Variants in KCNU1 observed in about 807,000 individuals in gnomAD.
The protein encoded by KCNU1 is potassium calcium-activated channel subfamily U member 1, also known as potassium channel subfamily U member 1.
KCNU1 carries 93 observed loss-of-function variants against 126.8 expected under a neutral mutation model. The observed-to-expected ratio is 0.73, with a 90% CI of 0.62 to 0.87. KCNU1 has a LOEUF of 0.87. Among genes scored for constraint, KCNU1 ranks in the 40% least tolerant of loss-of-function variants. The pLI is 0.00. For missense variants in KCNU1, 1,330 were observed against 1,367.1 expected (o/e 0.97, Z 0.43); for synonymous variants, 523 against 494.2 (o/e 1.06, Z -0.77).
intron 11 of KCNU1, among the ~76,000 whole-genome samples, chr8:36,834,138 A>C (rs1804661616): frequency 1.3e-5 from 2 of 152,214 alleles, no homozygotes; most frequent in Non-Finnish European, 2.9e-5. Flanking sequence ...AATAATGAGC[A>C]ACAGCCAACC....
At chr8:36,860,139 G>A (rs1019505425) in intron 18 of KCNU1, among the ~76,000 whole-genome samples, 1 of 152,094 alleles carries the variant, frequency 6.6e-6, no homozygotes, top group African/African-American at 2.4e-5. Context: ...GTGCAGTGGT[G>A]CGATCTCAGC....
At chr8:36,802,621 G>C (rs1232026187) in intron 2 of KCNU1, among the ~76,000 whole-genome samples, 2 of 152,200 alleles carry the variant, frequency 1.3e-5, no homozygotes, top group Non-Finnish European at 2.9e-5. Flanking sequence ...GAAGTAGTGA[G>C]AGAAGAGTGG....
At position 36,905,789 on chromosome 8, in the gene KCNU1, G is replaced by C; in HGVS notation, c.2091G>C (p.Leu697Phe). The C allele has an allele frequency of 6.4e-7, 1 of 1,558,190 alleles. No homozygotes were observed. The highest frequency in any genetic ancestry group is 8.8e-7 in the Non-Finnish European group (1 of 1,140,766). The change falls in exon 20 of 27, where the codon TTG (leucine) becomes TTC (phenylalanine). Residue 697 changes from leucine (L) to phenylalanine (F), a missense_variant. Leu to Phe is a conservative substitution (Grantham distance 22, BLOSUM62 0). This residue lies in a region of KCNU1 where 1,054 missense variants were observed against 1,053.9 expected (regional missense o/e 1.00). Transcript: ENST00000399881. ...GMFHWCKPTS[L>F]DKVTLKRTGK... The stretch of plus-strand genomic sequence containing the variant: ...TTCACTGGTGCAAACCAACCTCTTT[G>C]GACAAGGTGACTCTGGTAGGTGATC...
At chr8:36,826,750 G>A (rs1056744435) in intron 10 of KCNU1, among the ~76,000 whole-genome samples, 4 of 151,790 alleles carry the variant, frequency 2.6e-5, no homozygotes, top group African/African-American at 9.7e-5. Context: ...CATTTCAGGG[G>A]TACCTGTTCA....
intron 19 of KCNU1, among the ~76,000 whole-genome samples, chr8:36,903,983 C>A (rs1337856730): frequency 6.6e-6 from 1 of 152,122 alleles, no homozygotes; most frequent in Non-Finnish European, 1.5e-5. Flanking sequence ...CCTCCCATGA[C>A]ACATGGGGAT....
intron 19 of KCNU1, among the ~76,000 whole-genome samples, chr8:36,870,916 T>C (rs192603815): frequency 3.3e-5 from 5 of 152,300 alleles, no homozygotes; most frequent in African/African-American, 4.8e-5. Context: ...AAGAGTCCCA[T>C]TGGCACTTAT....
At chr8:36,905,365 A>T (rs1807581568) in intron 19 of KCNU1, among the ~76,000 whole-genome samples, 1 of 152,078 alleles carries the variant, frequency 6.6e-6, no homozygotes, top group Non-Finnish European at 1.5e-5. Flanking sequence ...GGTGCCCAAA[A>T]CACTGCTCAT....
chr8:36,918,434 A>T (rs968605135), intron 22 of KCNU1, among the ~76,000 whole-genome samples: 1 of 152,110 alleles, frequency 6.6e-6, no homozygotes, highest in African/African-American at 2.4e-5. Flanking sequence ...ATGTGCCAGA[A>T]GTCCTAGCTA....
intron 19 of KCNU1, among the ~76,000 whole-genome samples, chr8:36,877,194 A>G (rs958060844): frequency 6.6e-6 from 1 of 152,152 alleles, no homozygotes; most frequent in South Asian, 2.1e-4. Flanking sequence ...GTAAGGATTC[A>G]TAGAATCAAG....
intron 10 of KCNU1, 67 bp downstream of exon 10, chr8:36,817,827 G>T: frequency 1.3e-6 from 1 of 756,534 alleles, no homozygotes; most frequent in Non-Finnish European, 2.3e-6. Context: ...TATTTTTAAT[G>T]CAAGAAAATT....
chr8:36,907,731 C>G (rs1807688020), intron 20 of KCNU1, among the ~76,000 whole-genome samples: 1 of 152,134 alleles, frequency 6.6e-6, no homozygotes, highest in African/African-American at 2.4e-5. Context: ...CCATTTAACC[C>G]AGCAAAGGAC....
intron 19 of KCNU1, among the ~76,000 whole-genome samples, chr8:36,880,905 A>C (rs1226902757): frequency 6.6e-6 from 1 of 152,188 alleles, no homozygotes; most frequent in Non-Finnish European, 1.5e-5. Context: ...TGAGTGACTA[A>C]TACTGCAAAC....
intron 19 of KCNU1, among the ~76,000 whole-genome samples, chr8:36,892,300 C>A (rs1162344031): frequency 6.6e-6 from 1 of 152,014 alleles, no homozygotes; most frequent in South Asian, 2.1e-4. Flanking sequence ...TCCAGAATTT[C>A]CATTTGTTTT....
chr8:36,919,247 C>A (rs1483049939), intron 23 of KCNU1, among the ~76,000 whole-genome samples: 1 of 151,968 alleles, frequency 6.6e-6, no homozygotes, highest in African/African-American at 2.4e-5. Flanking sequence ...CACAGGACTT[C>A]GGGTCAGATG....
intron 17 of KCNU1, 65 bp from the exon 18 acceptor site, chr8:36,845,737 C>A: frequency 1.4e-6 from 2 of 1,437,164 alleles, no homozygotes; most frequent in Non-Finnish European, 2.0e-6. Flanking sequence ...CCCACTGAGT[C>A]AGCACCATGC....
Position 36,935,967 on chromosome 8 carries a change from A to T in KCNU1, c.*47A>T. The T allele has an allele frequency of 6.9e-7, 1 of 1,445,696 alleles. No individual in the cohort carries two copies. The highest frequency in any genetic ancestry group is 9.3e-7 in the Non-Finnish European group (1 of 1,073,140). 89.6% of individuals were successfully genotyped at this position (1,445,696 alleles called of 1,614,324 possible). On this transcript the variant is annotated 3_prime_UTR_variant, in exon 27 of 27. Coordinates refer to ENST00000399881, the MANE Select transcript of KCNU1 (RefSeq NM_001031836.3). ...GCTCTTAACTTGCTGCTTACAAATCATCTCCTGAGATGCTAACTTTGAACA... is the reference window on the plus strand; with the variant it reads ...GCTCTTAACTTGCTGCTTACAAATCTTCTCCTGAGATGCTAACTTTGAACA...
At chr8:36,793,990 G>A (rs964881772) in intron 2 of KCNU1, among the ~76,000 whole-genome samples, 3 of 147,472 alleles carry the variant, frequency 2.0e-5, no homozygotes, top group African/African-American at 5.0e-5. Context: ...GGCGGCAGAG[G>A]TTGCAATGAG....
chr8:36,924,919 G>A (rs965088447), intron 24 of KCNU1, among the ~76,000 whole-genome samples: 1 of 152,144 alleles, frequency 6.6e-6, no homozygotes, highest in African/African-American at 2.4e-5. Flanking sequence ...TTTATTTAGA[G>A]TTGATCAGAA....
intron 23 of KCNU1, among the ~76,000 whole-genome samples, chr8:36,919,535 A>G (rs911220449): frequency 2.0e-5 from 3 of 151,924 alleles, no homozygotes; most frequent in Non-Finnish European, 4.4e-5. Flanking sequence ...GGAACAGAAG[A>G]CAAGGGAGGG....
Sources: allele counts gnomAD v4.1 joint callset (sites outside exome capture counted in the v4.1 genomes callset), GRCh38; gene constraint gnomAD v4.1.1; regional missense constraint gnomAD v4.1.1; transcripts MANE v1.5; gene names NCBI Gene and HGNC (gene_info 2026-07-23, HGNC 2026-07-21).